The following PMEPA1 variants were observed in gnomAD, a reference collection of about 807,000 sequenced individuals.
PMEPA1 encodes the protein prostate transmembrane protein, androgen induced 1.
Under a neutral mutation model 23.0 loss-of-function variants are expected in PMEPA1, and 11 were observed. That is an observed-to-expected ratio of 0.48 (90% CI 0.30 to 0.79). PMEPA1 has a LOEUF of 0.79. PMEPA1 is among the 30% of genes least tolerant of loss of function. The probability of loss-of-function intolerance (pLI) is 0.06; values close to 1 mark genes in which losing one functional copy is unlikely to be tolerated. For synonymous variants in PMEPA1, 204 were observed against 166.4 expected (o/e 1.23, Z -1.74); for missense variants, 377 against 390.9 (o/e 0.96, Z 0.30).
intron 1 of PMEPA1, among the ~76,000 whole-genome samples, chr20:57,693,101 C>G (rs1199069068): frequency 6.6e-6 from 1 of 152,256 alleles, no homozygotes; most frequent in African/African-American, 2.4e-5. Context: ...CCGCCTCGCT[C>G]TGCGTTCCTG....
chr20:57,705,185 G>A (rs1018042319), intron 1 of PMEPA1, among the ~76,000 whole-genome samples: 3 of 152,210 alleles, frequency 2.0e-5, no homozygotes, highest in African/African-American at 4.8e-5. Context: ...TCACAGGCGC[G>A]TGTGTGTTTG....
At chr20:57,660,019 G>A (rs1455436442) in intron 1 of PMEPA1, among the ~76,000 whole-genome samples, 1 of 152,172 alleles carries the variant, frequency 6.6e-6, no homozygotes, top group Non-Finnish European at 1.5e-5. Context: ...CCTGCTCTCT[G>A]CTCTCAGAGC....
chr20:57,652,047 G>C lies in PMEPA1; in HGVS notation c.*6C>G. 6.8e-7 allele frequency: 1 copy of C among 1,468,838 alleles called. No homozygotes were observed. The highest frequency in any genetic ancestry group is 9.0e-7 in the Non-Finnish European group (1 of 1,105,902). 91.0% of individuals were successfully genotyped at this position (1,468,838 alleles called of 1,614,324 possible). A position where few individuals can be genotyped will look rare whatever the true frequency, so the allele number is the denominator to read the frequency against. On this transcript the variant is annotated 3_prime_UTR_variant, in exon 4 of 4. Transcript: ENST00000341744. This position sits in a 1 kb window ranked among gnomAD's most constrained non-coding sequence, Gnocchi z 6.1. The stretch of plus-strand genomic sequence containing the variant: ...ACGCAGCCCCAGCCCGGCCCCCCTG[G>C]GGACCCTAGAGAGGGTGTCCTTTCT...
At chr20:57,693,959 C>G (rs2071914932) in intron 1 of PMEPA1, among the ~76,000 whole-genome samples, 1 of 152,238 alleles carries the variant, frequency 6.6e-6, no homozygotes, top group African/African-American at 2.4e-5. Context: ...CTGGGAGCAT[C>G]TCTGAGCTTT....
At chr20:57,710,233 G>C (rs930645815), upstream of PMEPA1, 11 of 533,646 alleles carry the variant, frequency 2.1e-5, no homozygotes, top group Admixed American at 3.8e-4. Context: ...TCTCCCCAAC[G>C]GCGGTCAGCT....
At position 57,704,414 on chromosome 20, in the gene PMEPA1, G is replaced by A. The variant is rs1280846090; in HGVS notation, c.109+5060C>T. Among the ~76,000 whole-genome samples, 2 of 152,134 alleles carry A rather than the reference G, an allele frequency of 1.3e-5. No individual in the cohort carries two copies. The highest frequency in any genetic ancestry group is 2.9e-5 in the Non-Finnish European group (2 of 67,994). On this transcript the variant is annotated intron_variant, in intron 1 of 3. Transcript: ENST00000341744. The surrounding 1 kb of genome is among the most constrained non-coding windows in gnomAD (Gnocchi z 4.6). ...TAGGTCCGTCTCCCGCACAGCTCCCGCACGTGCCCCAACCATGCGTGCGTT... is the reference window on the plus strand; with the variant it reads ...TAGGTCCGTCTCCCGCACAGCTCCCACACGTGCCCCAACCATGCGTGCGTT...
Position 57,700,098 on chromosome 20 carries a change from A to G in PMEPA1, c.109+9376T>C, listed in dbSNP as rs1387859337. 9 of 471,228 alleles carry G rather than the reference A, an allele frequency of 1.9e-5. No homozygotes were observed. In the East Asian group the frequency reaches 6.2e-4, roughly 33 times the overall value. 29.2% of individuals were successfully genotyped at this position (471,228 alleles called of 1,614,324 possible). The stretch of plus-strand genomic sequence containing the variant: ...TCATGCTCCCAAAGCCAGTGATGGA[A>G]CTGGCCCCTCCTGGAGACCTTAAGG... On this transcript the variant is annotated intron_variant, in intron 1 of 3. Transcript: ENST00000341744.
chr20:57,683,849 T>C lies in PMEPA1; in HGVS notation c.110-24152A>G, dbSNP rs157099. Among the ~76,000 whole-genome samples, 100,236 of 151,654 alleles carry C rather than the reference T, an allele frequency of 0.66. 35,311 individuals are homozygous for C. Among genetic ancestry groups the C allele is most frequent in the African/African-American group, 0.91 (37,781 of 41,378 alleles). ...ACACTGTCCAGCCACCTGCACAAAG[T>C]CCATCATAAACCCATGCGGGGCACA... On this transcript the variant is annotated intron_variant, in intron 1 of 3. Transcript: ENST00000341744. This position sits in a 1 kb window ranked among gnomAD's most constrained non-coding sequence, Gnocchi z 4.3.
At chr20:57,702,214 G>T (rs6015057) in intron 1 of PMEPA1, among the ~76,000 whole-genome samples, 1 of 152,148 alleles carries the variant, frequency 6.6e-6, no homozygotes, top group Non-Finnish European at 1.5e-5. Flanking sequence ...GTGTGTGGCA[G>T]ATGGTGCTGA....
upstream of PMEPA1, chr20:57,711,465 C>A (rs1298613084): frequency 6.6e-6 from 1 of 152,100 alleles, no homozygotes; most frequent in Admixed American, 6.5e-5. Flanking sequence ...AAGTCAAGCC[C>A]AGGGATGTGG....
chr20:57,654,490 T>C (rs887343405), intron 2 of PMEPA1, among the ~76,000 whole-genome samples: 6 of 152,110 alleles, frequency 3.9e-5, no homozygotes, highest in Admixed American at 1.3e-4. Context: ...AACTGTCCCG[T>C]CAGGACCGCT....
intron 1 of PMEPA1, among the ~76,000 whole-genome samples, chr20:57,673,140 G>A (rs983888725): frequency 6.6e-6 from 1 of 151,988 alleles, no homozygotes; most frequent in Non-Finnish European, 1.5e-5. Context: ...CCTCTTGGCC[G>A]CCAGCACCCT....
At chr20:57,680,548 A>G (rs2146680402) in intron 1 of PMEPA1, among the ~76,000 whole-genome samples, 1 of 152,334 alleles carries the variant, frequency 6.6e-6, no homozygotes, top group South Asian at 2.1e-4. Context: ...ATTAAATCAG[A>G]TGATAGTGAA....
intron 1 of PMEPA1, among the ~76,000 whole-genome samples, chr20:57,688,051 C>G (rs1349179278): frequency 6.6e-6 from 1 of 152,226 alleles, no homozygotes; most frequent in Non-Finnish European, 1.5e-5. Flanking sequence ...GTTCAGGCCT[C>G]TCTGCTACCT....
chr20:57,688,219 T>C (rs996826145), intron 1 of PMEPA1, among the ~76,000 whole-genome samples: 1 of 152,210 alleles, frequency 6.6e-6, no homozygotes, highest in Admixed American at 6.5e-5. Context: ...TGCAACTACT[T>C]TCTATTTAGC....
rs1215038807 is a variant in PMEPA1, at chr20:57,709,908, C to G, written c.-326G>C. 7.9e-6 allele frequency: 8 copies of G among 1,009,596 alleles called. No individual in the cohort carries two copies. The highest frequency in any genetic ancestry group is 1.7e-5 in the African/African-American group (1 of 57,324). The allele number at this position is 1,009,596 out of a possible 1,614,324, so 62.5% of individuals were successfully genotyped here. On this transcript the variant is annotated 5_prime_UTR_variant, in exon 1 of 4. Coordinates refer to ENST00000341744, the MANE Select transcript of PMEPA1 (RefSeq NM_020182.5). The stretch of plus-strand genomic sequence containing the variant: ...GCCTCTGCCGCTAGCTTTCCCCAGC[C>G]GAGCGCCTCCGCCGCCGCCGCCGCC...
At chr20:57,672,583 C>T (rs988426290) in intron 1 of PMEPA1, among the ~76,000 whole-genome samples, 3 of 152,244 alleles carry the variant, frequency 2.0e-5, no homozygotes, top group African/African-American at 7.2e-5. Context: ...GGAGGGGTCT[C>T]GCCGCTAACC....
At chr20:57,690,283 C>T (rs780935447) in intron 1 of PMEPA1, 357 of 544,450 alleles carry the variant, frequency 6.6e-4, no homozygotes, top group Non-Finnish European at 1.1e-3. Flanking sequence ...GCACAGACCA[C>T]CCGGGGGGGC....
intron 1 of PMEPA1, among the ~76,000 whole-genome samples, chr20:57,672,143 G>C (rs1365659858): frequency 1.3e-5 from 2 of 152,232 alleles, no homozygotes; most frequent in Admixed American, 1.3e-4. Context: ...TTTTATAACA[G>C]GCATAACACT....
Sources: allele counts gnomAD v4.1 joint callset (sites outside exome capture counted in the v4.1 genomes callset), GRCh38; gene constraint gnomAD v4.1.1; non-coding constraint Gnocchi (gnomAD v3.1); transcripts MANE v1.5; gene names NCBI Gene and HGNC (gene_info 2026-07-23, HGNC 2026-07-21).